Variants in RIC1 observed in about 807,000 individuals in gnomAD.
The protein encoded by RIC1 is guanine nucleotide exchange factor subunit RIC1.
A neutral mutation model predicts 169.0 loss-of-function variants in RIC1; 88 were observed. That is an observed-to-expected ratio of 0.52 (90% CI 0.44 to 0.62). The LOEUF (loss-of-function observed/expected upper bound fraction) is 0.62. Ranked by LOEUF, RIC1 falls within the 20% of genes least tolerant of loss-of-function variation. The pLI is 0.00. For missense variants in RIC1, 1,877 were observed against 1,725.5 expected, an observed-to-expected ratio of 1.09 and a Z score of -1.56; for synonymous variants, 790 against 601.5, an observed-to-expected ratio of 1.31 and a Z score of -4.59.
At position 5,757,416 on chromosome 9, in the gene RIC1, A is replaced by C. The variant is rs1289642854; in HGVS notation, c.1957A>C (p.Thr653Pro). ...VVSVTLTSVS[T>P]ENGITLKMPQ... ...ATCTGTCACTCTGACATCAGTGAGTACAGAGAATGGAATCACCTTGAAAAT... is the reference window on the plus strand; with the variant it reads ...ATCTGTCACTCTGACATCAGTGAGTCCAGAGAATGGAATCACCTTGAAAAT... Residue 653 changes from threonine (T) to proline (P), a missense_variant, in exon 17 of 26, where the codon ACA (threonine) becomes CCA (proline). By Grantham distance (38) the Thr-to-Pro change is conservative (BLOSUM62 -1). This residue lies in a region of RIC1 where 1,104 missense variants were observed against 992.0 expected (regional missense o/e 1.11). Coordinates refer to ENST00000414202, the MANE Select transcript of RIC1 (RefSeq NM_020829.4). 6.2e-7 allele frequency: 1 copy of C among 1,613,974 alleles called. No individual in the cohort carries two copies. Among genetic ancestry groups the C allele is most frequent in the South Asian group, 1.1e-5 (1 of 91,080 alleles).
chr9:5,720,025 A>G (rs1053660899), intron 4 of RIC1, among the ~76,000 whole-genome samples, 157 bp from the exon 5 acceptor site: 9 of 152,206 alleles, frequency 5.9e-5, no homozygotes, highest in Non-Finnish European at 1.3e-4. Flanking sequence ...CTGATTCTAG[A>G]TTGAAATATA....
intron 8 of RIC1, among the ~76,000 whole-genome samples, chr9:5,742,389 A>C (rs1034028523): frequency 6.6e-6 from 1 of 152,016 alleles, no homozygotes; most frequent in African/African-American, 2.4e-5. Context: ...TCACCATCTT[A>C]GTTTTTTCAG....
chr9:5,740,356 A>C (rs995909172), intron 8 of RIC1, among the ~76,000 whole-genome samples: 2 of 152,008 alleles, frequency 1.3e-5, no homozygotes, highest in Admixed American at 6.6e-5. Flanking sequence ...AAACCCCAAA[A>C]CCAATGAAGG....
In RIC1 at chr9:5,714,479, C is replaced by T. The variant is rs1244535561; in HGVS notation, c.440+476C>T. On this transcript the variant is annotated intron_variant, in intron 4 of 25. Coordinates refer to ENST00000414202, the MANE Select transcript of RIC1 (RefSeq NM_020829.4). ...GAATACCAAAAATCTATTTTATACC[C>T]ATTGGTAGAAAAAATCTTACCTACA... Among the ~76,000 whole-genome samples, 4 of 152,130 alleles carry T rather than the reference C, an allele frequency of 2.6e-5. No homozygotes were observed. In the East Asian group the frequency reaches 7.7e-4, roughly 29 times the overall value.
At chr9:5,778,150 A>G (rs1043947409), downstream of RIC1, among the ~76,000 whole-genome samples, 5 of 152,194 alleles carry the variant, frequency 3.3e-5, no homozygotes, top group Non-Finnish European at 5.9e-5. Flanking sequence ...ATTTTTGCTA[A>G]GTCTCATACT....
chr9:5,678,452 A>G lies in RIC1; in HGVS notation c.253-11507A>G, dbSNP rs771681111. Among the ~76,000 whole-genome samples the G allele has an allele frequency of 5.4e-3, 824 of 151,934 alleles. 3 individuals carry two copies. The highest frequency in any genetic ancestry group is 0.01 in the Non-Finnish European group (680 of 67,948). On this transcript the variant is annotated intron_variant, in intron 2 of 25. Coordinates refer to ENST00000414202, the MANE Select transcript of RIC1 (RefSeq NM_020829.4). ...ACTTCCACAATGGTTGAACTAGTTT[A>G]CAGTCCCACCAACAGTGTAAAACTG...
rs185656647 is a variant in RIC1 at position 5,708,142 on chromosome 9, A to G, written c.333-5754A>G. On this transcript the variant is annotated intron_variant, in intron 3 of 25. Coordinates refer to ENST00000414202, the MANE Select transcript of RIC1 (RefSeq NM_020829.4). ...AACAGCCTAGTTTGAAGTAATACCAACTTAGCTTCAATAATATCTCAAAAC... is the reference window on the plus strand; with the variant it reads ...AACAGCCTAGTTTGAAGTAATACCAGCTTAGCTTCAATAATATCTCAAAAC... 5.0e-3 allele frequency among the ~76,000 whole-genome samples: 768 copies of G among 152,194 alleles called. 8 individuals carry two copies. The highest frequency in any genetic ancestry group is 0.018 in the African/African-American group (731 of 41,556).
At position 5,772,978 on chromosome 9, in the gene RIC1, A is replaced by G. The variant is rs139608846; in HGVS notation, c.3881A>G (p.Asn1294Ser). ...ATTCTTAGAGAATCCTCAATAATCA[A>G]TCAGATTTTGGTTATTACACAGTCT... ...GLILRESSII[N>S]QILVITQSSE... The change falls in exon 25 of 26, where the codon AAT (asparagine) becomes AGT (serine). Residue 1294 changes from asparagine (N) to serine (S), a missense_variant. This residue lies in a region of RIC1 where 681 missense variants were observed against 582.0 expected (regional missense o/e 1.17). Coordinates refer to ENST00000414202, the MANE Select transcript of RIC1 (RefSeq NM_020829.4). 593 of 1,613,732 alleles carry G rather than the reference A, an allele frequency of 3.7e-4. 1 individual carries two copies. The highest frequency in any genetic ancestry group is 3.8e-4 in the Non-Finnish European group (446 of 1,179,720).
chr9:5,769,573 A>G (rs1563725321), intron 22 of RIC1: 2 of 808,870 alleles, frequency 2.5e-6, no homozygotes, highest in Non-Finnish European at 3.6e-6. Context: ...GAGTTCTGGA[A>G]TCAGATAGAC....
chr9:5,762,102 C>T (rs1311453076), intron 17 of RIC1, among the ~76,000 whole-genome samples: 1 of 152,208 alleles, frequency 6.6e-6, no homozygotes, highest in Non-Finnish European at 1.5e-5. Context: ...CCAGACTGTT[C>T]TCACTTTCCC....
At chr9:5,773,820 A>T in intron 25 of RIC1, 138 bp from the exon 26 acceptor site, 1 of 755,700 alleles carries the variant, frequency 1.3e-6, no homozygotes, top group Non-Finnish European at 2.1e-6. Flanking sequence ...TTTCCTCCCT[A>T]CCTTCTTTGC....
chr9:5,763,919 G>C lies in RIC1; in HGVS notation c.2841+51G>C, dbSNP rs1208572875. 10 of 1,517,390 alleles carry C rather than the reference G, an allele frequency of 6.6e-6. No homozygotes were observed. Among genetic ancestry groups the C allele is most frequent in the African/African-American group, 1.4e-5 (1 of 71,730 alleles). The allele number at this position is 1,517,390 out of a possible 1,614,324, so 94.0% of individuals were successfully genotyped here. A position where few individuals can be genotyped will look rare whatever the true frequency, so the allele number is the denominator to read the frequency against. On this transcript the variant is annotated intron_variant, in intron 19 of 25. Transcript: ENST00000414202. This position sits in a 1 kb window ranked among gnomAD's most constrained non-coding sequence, Gnocchi z 5.2. ...GCAAGAATTAATGAGCTTAAACTTA[G>C]AAAAATAGAAATGTCCTGTTTTGAC...
chr9:5,754,576 A>G (rs1825895799), intron 14 of RIC1, among the ~76,000 whole-genome samples: 1 of 152,194 alleles, frequency 6.6e-6, no homozygotes, highest in Non-Finnish European at 1.5e-5. Flanking sequence ...AAAATATACA[A>G]AATTAGCTAG....
chr9:5,660,392 C>T (rs189440710), intron 2 of RIC1, among the ~76,000 whole-genome samples: 146 of 152,200 alleles, frequency 9.6e-4, no homozygotes, highest in African/African-American at 3.3e-3. Context: ...TTGGGTCAAA[C>T]GGTATTTCTG....
chr9:5,768,975 G>A lies in RIC1; in HGVS notation c.3143G>A (p.Ser1048Asn), dbSNP rs1827000688. Residue 1048 changes from serine to asparagine, a missense_variant, in exon 22 of 26, where the codon AGC becomes AAC. Around this residue, in one of 3 missense-constraint regions of RIC1, gnomAD observed 681 missense variants for 582.0 expected, o/e 1.17. Transcript: ENST00000414202. The part of the protein sequence containing the change: ...MPSGPSGKRW[S>N]KDSDCAENMY... ...TCTTGTGTTTCCACTTACAGATGGA[G>A]CAAAGACAGTGACTGTGCTGAGAAC... The A allele has an allele frequency of 6.2e-7, 1 of 1,606,032 alleles. No homozygotes were observed. The highest frequency in any genetic ancestry group is 8.5e-7 in the Non-Finnish European group (1 of 1,176,936).
At chr9:5,729,023 GCTCCCCTCTCCCCTCTCTGT>G (rs1824187503) in intron 6 of RIC1, among the ~76,000 whole-genome samples, 1 of 151,964 alleles carries the variant, frequency 6.6e-6, no homozygotes, top group Non-Finnish European at 1.5e-5. Flanking sequence ...CCTCCCTTCT[GCTCCCCTCTCCCCTCTCTGT>G]CTCCAGTGTT....
At position 5,773,368 on chromosome 9, in the gene RIC1, A is replaced by T. The variant is rs573073684; in HGVS notation, c.3983+288A>T. ...ATGCAGTGCAAATGAGCTTAGAATT[A>T]GACTGGAACTTCAGATTTGCATCCC... On this transcript the variant is annotated intron_variant, in intron 25 of 25. Transcript: ENST00000414202. Among the ~76,000 whole-genome samples, 3 of 152,334 alleles carry T rather than the reference A, an allele frequency of 2.0e-5. No homozygotes were observed. In the East Asian group the frequency reaches 5.8e-4, roughly 29 times the overall value.
At chr9:5,659,003 C>A (rs1025146379) in intron 2 of RIC1, among the ~76,000 whole-genome samples, 1 of 151,902 alleles carries the variant, frequency 6.6e-6, no homozygotes, top group Non-Finnish European at 1.5e-5. Flanking sequence ...AAAATTTGCA[C>A]TCAATTTTGA....
At chr9:5,728,579 C>G (rs1384344674) in intron 6 of RIC1, among the ~76,000 whole-genome samples, 1 of 152,184 alleles carries the variant, frequency 6.6e-6, no homozygotes, top group Non-Finnish European at 1.5e-5. Flanking sequence ...GAACCTGGTA[C>G]TTCAGTTGGA....
Sources: allele counts gnomAD v4.1 joint callset (sites outside exome capture counted in the v4.1 genomes callset), GRCh38; gene constraint gnomAD v4.1.1; regional missense constraint gnomAD v4.1.1; non-coding constraint Gnocchi (gnomAD v3.1); transcripts MANE v1.5; gene names NCBI Gene and HGNC (gene_info 2026-07-23, HGNC 2026-07-21).